Variants in SVIL observed in about 807,000 individuals in gnomAD.
SVIL encodes supervillin, also known as archvillin.
Under a neutral mutation model 240.4 loss-of-function variants are expected in SVIL, and 101 were observed. The observed-to-expected ratio is 0.42, with a 90% confidence interval of 0.36 to 0.50. SVIL has a LOEUF of 0.50. Among genes scored for constraint, SVIL ranks in the 20% least tolerant of loss-of-function variants. The pLI, the probability that SVIL is intolerant of heterozygous loss-of-function variation, is 0.01. For synonymous variants in SVIL, 999 were observed against 1,100.0 expected, an observed-to-expected ratio of 0.91 and a Z score of 1.82; for missense variants, 2,512 against 2,818.7, an observed-to-expected ratio of 0.89 and a Z score of 2.46.
intron 6 of SVIL, chr10:29,545,094 C>T (rs1304498962): frequency 1.9e-6 from 1 of 534,402 alleles, no homozygotes; most frequent in East Asian, 5.4e-5. Context: ...AAGCACGATG[C>T]TCTCCTGCAG....
intron 1 of SVIL, among the ~76,000 whole-genome samples, chr10:29,691,874 A>T (rs1961536785): frequency 1.3e-5 from 2 of 152,192 alleles, no homozygotes; most frequent in South Asian, 4.1e-4. Context: ...AATAAGCTCA[A>T]ATCACCCTTT....
At position 29,735,102 on chromosome 10, in the gene SVIL, C is replaced by T. The variant is rs975925867; in HGVS notation, c.-400+649G>A. ...CCTTCTGGAGCTCCACTCGGGGTGCCAGGGACTGCTGGCTGTCACCCGGGG... is the reference window on the plus strand; with the variant it reads ...CCTTCTGGAGCTCCACTCGGGGTGCTAGGGACTGCTGGCTGTCACCCGGGG... On this transcript the variant is annotated intron_variant, in intron 1 of 35. Transcript: ENST00000375400. The surrounding 1 kb of genome is among the most constrained non-coding windows in gnomAD (Gnocchi z 4.1). 1.3e-5 allele frequency among the ~76,000 whole-genome samples: 2 copies of T among 151,930 alleles called. No individual in the cohort carries two copies. The highest frequency in any genetic ancestry group is 2.9e-5 in the Non-Finnish European group (2 of 67,982).
chr10:29,644,181 G>A (rs1239284255), intron 3 of SVIL, among the ~76,000 whole-genome samples: 1 of 152,160 alleles, frequency 6.6e-6, no homozygotes, highest in Non-Finnish European at 1.5e-5. Flanking sequence ...GTGACCAGTG[G>A]AGTGAGGACC....
chr10:29,627,717 T>C (rs893656994), intron 1 of SVIL, among the ~76,000 whole-genome samples: 3 of 152,186 alleles, frequency 2.0e-5, no homozygotes, highest in Non-Finnish European at 4.4e-5. Context: ...AAATCCAAAT[T>C]AATAAATTCC....
intron 1 of SVIL, among the ~76,000 whole-genome samples, chr10:29,621,726 A>G (rs531561480): frequency 6.6e-6 from 1 of 151,816 alleles, no homozygotes; most frequent in South Asian, 2.1e-4. Context: ...ATCCTAATAC[A>G]CCCTCTGGCC....
At chr10:29,723,878 C>A (rs976471654) in intron 1 of SVIL, among the ~76,000 whole-genome samples, 1 of 152,022 alleles carries the variant, frequency 6.6e-6, no homozygotes, top group African/African-American at 2.4e-5. Context: ...AATTTGGCAA[C>A]CAAACAAGAT....
upstream of SVIL, among the ~76,000 whole-genome samples, chr10:29,635,723 C>A (rs777071333): frequency 6.6e-6 from 1 of 152,154 alleles, no homozygotes; most frequent in Non-Finnish European, 1.5e-5. Flanking sequence ...ATATCACAAC[C>A]CTGTTTACAA....
At chr10:29,477,383 C>T (rs1211282044) in intron 29 of SVIL, among the ~76,000 whole-genome samples, 1 of 152,226 alleles carries the variant, frequency 6.6e-6, no homozygotes, top group Admixed American at 6.5e-5. Flanking sequence ...GCTCAGATCC[C>T]TGGGCACCTT....
intron 3 of SVIL, among the ~76,000 whole-genome samples, chr10:29,642,805 T>G (rs1316642986): frequency 1.3e-5 from 2 of 152,076 alleles, no homozygotes; most frequent in South Asian, 4.2e-4. Context: ...TGCCTCAGCC[T>G]CCCAAGTAGC....
rs192914824 is a variant in SVIL at position 29,657,653 on chromosome 10, G to A, written c.-201+316C>T. On this transcript the variant is annotated intron_variant, in intron 3 of 35. Coordinates refer to the SVIL transcript ENST00000375400. ...CCCCGAAAGCTCCCTAATAGCCACG[G>A]CTCAGCTCAGAAAGAAAACCACAGC... 4.5e-4 allele frequency among the ~76,000 whole-genome samples: 68 copies of A among 152,234 alleles called. No individual in the cohort carries two copies. The East Asian group carries it at 4.8e-3, about 11-fold the overall frequency.
At chr10:29,656,371 C>G (rs1959005806) in intron 3 of SVIL, among the ~76,000 whole-genome samples, 1 of 151,880 alleles carries the variant, frequency 6.6e-6, no homozygotes, top group Non-Finnish European at 1.5e-5. Context: ...AAGTCCCCAC[C>G]CATCACTCTA....
rs777862633 is a variant in SVIL, at chr10:29,458,317, G to C, written c.6575C>G (p.Thr2192Arg). The C allele has an allele frequency of 6.2e-7, 1 of 1,614,188 alleles. No individual in the cohort carries two copies. The highest frequency in any genetic ancestry group is 8.5e-7 in the Non-Finnish European group (1 of 1,180,032). The change falls in exon 38 of 38, where the codon ACG (threonine) becomes AGG (arginine). Residue 2192 changes from threonine (T) to arginine (R), a missense_variant. This residue lies in a region of SVIL where 797 missense variants were observed against 925.3 expected (regional missense o/e 0.86). Coordinates refer to ENST00000355867, the MANE Select transcript of SVIL (RefSeq NM_021738.3). ...DEDFEFALDM[T>R]RDEYNALPAW... ...GGGCAGGGCGTTGTATTCATCCCTCGTCATGTCTAGTGCAAACTGGAAACA... is the reference window on the plus strand; with the variant it reads ...GGGCAGGGCGTTGTATTCATCCCTCCTCATGTCTAGTGCAAACTGGAAACA...
At chr10:29,624,573 T>C (rs962034004) in intron 1 of SVIL, among the ~76,000 whole-genome samples, 1 of 152,132 alleles carries the variant, frequency 6.6e-6, no homozygotes, top group East Asian at 1.9e-4. Context: ...AACAAAATCA[T>C]TTACAGTGCT....
chr10:29,720,799 A>G (rs759623468), intron 1 of SVIL, among the ~76,000 whole-genome samples: 4 of 152,242 alleles, frequency 2.6e-5, no homozygotes, highest in Non-Finnish European at 5.9e-5. Context: ...GTGATATAAT[A>G]TCACTTAAAG....
chr10:29,630,422 C>T (rs1958040334), intron 1 of SVIL, among the ~76,000 whole-genome samples: 1 of 152,148 alleles, frequency 6.6e-6, no homozygotes, highest in Non-Finnish European at 1.5e-5. Flanking sequence ...CTTTCAAAAC[C>T]TCCTACAATA....
chr10:29,632,107 C>T (rs550593898), intron 1 of SVIL, among the ~76,000 whole-genome samples: 4 of 152,302 alleles, frequency 2.6e-5, no homozygotes, highest in African/African-American at 4.8e-5. Flanking sequence ...TCCATGTAGC[C>T]CGAGAGCCCT....
chr10:29,584,549 G>A (rs1374866166), intron 1 of SVIL, among the ~76,000 whole-genome samples: 2 of 152,150 alleles, frequency 1.3e-5, no homozygotes, highest in African/African-American at 2.4e-5. Flanking sequence ...TTTTGAAAGC[G>A]GTTGTGGTTC....
chr10:29,662,067 AC>A (rs773782449), intron 2 of SVIL, among the ~76,000 whole-genome samples: 48 of 151,900 alleles, frequency 3.2e-4, no homozygotes, highest in Non-Finnish European at 5.7e-4. Flanking sequence ...GCAGCCAACA[AC>A]CCCCACTGCA....
intron 1 of SVIL, among the ~76,000 whole-genome samples, chr10:29,579,638 C>A (rs11592135): frequency 0.12 from 18,035 of 152,162 alleles, 1,253 homozygotes; most frequent in Non-Finnish European, 0.15. Context: ...CAGGTCACAG[C>A]GGCAGCTCAG....
Sources: allele counts gnomAD v4.1 joint callset (sites outside exome capture counted in the v4.1 genomes callset), GRCh38; gene constraint gnomAD v4.1.1; regional missense constraint gnomAD v4.1.1; non-coding constraint Gnocchi (gnomAD v3.1); transcripts MANE v1.5; gene names NCBI Gene and HGNC (gene_info 2026-07-23, HGNC 2026-07-21).